The following ZNF536 variants were observed in gnomAD, a reference collection of about 807,000 sequenced individuals.
ZNF536 encodes zinc finger protein 536.
A neutral mutation model predicts 84.5 loss-of-function variants in ZNF536; 13 were observed. That is an observed-to-expected ratio of 0.15 (90% CI 0.10 to 0.24). The LOEUF (loss-of-function observed/expected upper bound fraction) is 0.24. Ranked by LOEUF, ZNF536 falls within the 10% of genes least tolerant of loss-of-function variation. ZNF536 has a pLI of 1.00. For missense variants in ZNF536, 1,536 were observed against 1,747.5 expected, an observed-to-expected ratio of 0.88 and a Z score of 2.16; for synonymous variants, 811 against 742.5, an observed-to-expected ratio of 1.09 and a Z score of -1.50.
chr19:30,689,997 C>T (rs1463218248), intron 1 of ZNF536, among the ~76,000 whole-genome samples: 1 of 152,178 alleles, frequency 6.6e-6, no homozygotes, highest in African/African-American at 2.4e-5. Context: ...CACCCTCTTT[C>T]CCACCACCCT....
intron 1 of ZNF536, among the ~76,000 whole-genome samples, chr19:30,563,592 C>T (rs1032670406): frequency 6.6e-5 from 10 of 152,122 alleles, no homozygotes; most frequent in South Asian, 4.1e-4. Context: ...AGGTAAATGC[C>T]GCTGCAAAGT....
intron 1 of ZNF536, among the ~76,000 whole-genome samples, chr19:30,669,051 C>T (rs118021622): frequency 0.017 from 2,571 of 152,326 alleles, 30 homozygotes; most frequent in Middle Eastern, 0.041. Flanking sequence ...TCATGGTGGC[C>T]CCTGCCCCTG....
rs374541677 is a variant in ZNF536, at chr19:30,667,228, C to T, written c.170-43529C>T. Among the ~76,000 whole-genome samples the T allele has an allele frequency of 9.2e-4, 140 of 152,324 alleles. 4 individuals are homozygous for T. In the South Asian group the frequency reaches 0.025, roughly 27 times the overall value. On this transcript the variant is annotated intron_variant, in intron 1 of 1. Coordinates refer to the ZNF536 transcript ENST00000592773. ...CTGTCTCCATCTGAATTCATTTACACGCCTGAACAGGTGTAATTATCCCCA... is the reference window on the plus strand; with the variant it reads ...CTGTCTCCATCTGAATTCATTTACATGCCTGAACAGGTGTAATTATCCCCA...
chr19:30,377,931 A>T (rs762646884), intron 1 of ZNF536, among the ~76,000 whole-genome samples: 11 of 152,106 alleles, frequency 7.2e-5, no homozygotes, highest in Non-Finnish European at 1.5e-4. Flanking sequence ...AGTTGGGTGG[A>T]TTCTTTGTTG....
At chr19:30,302,902 G>A (rs925548664) in intron 2 of ZNF536, among the ~76,000 whole-genome samples, 1 of 152,118 alleles carries the variant, frequency 6.6e-6, no homozygotes, top group Non-Finnish European at 1.5e-5. Flanking sequence ...ACTGGTGGTG[G>A]CCTTACGTCC....
chr19:30,641,402 T>G (rs748700145), intron 1 of ZNF536, among the ~76,000 whole-genome samples: 6 of 152,248 alleles, frequency 3.9e-5, no homozygotes, highest in Non-Finnish European at 8.8e-5. Context: ...GTAATCTTGC[T>G]GTCATATGAT....
At chr19:30,279,779 A>G (rs2045370904) in intron 1 of ZNF536, among the ~76,000 whole-genome samples, 1 of 152,172 alleles carries the variant, frequency 6.6e-6, no homozygotes, top group East Asian at 1.9e-4. Flanking sequence ...GGGGAGACTT[A>G]GTTGGGCACC....
chr19:30,248,201 C>G (rs1232664583), intron 1 of ZNF536, among the ~76,000 whole-genome samples: 1 of 149,754 alleles, frequency 6.7e-6, no homozygotes, highest in African/African-American at 2.5e-5. Context: ...CTTTTTCTTT[C>G]TTTCTTTCTT....
upstream of ZNF536, among the ~76,000 whole-genome samples, chr19:30,226,509 G>A (rs1341559167): frequency 6.6e-6 from 1 of 151,968 alleles, no homozygotes; most frequent in Non-Finnish European, 1.5e-5. The surrounding 1 kb of genome is among the most constrained non-coding windows in gnomAD (Gnocchi z 4.6). Flanking sequence ...CTGTGCCCCG[G>A]GAGCCTGGCC....
intron 1 of ZNF536, among the ~76,000 whole-genome samples, chr19:30,383,715 CTTTCTTTCTT>C (rs2049137938): frequency 2.5e-5 from 1 of 40,374 alleles, no homozygotes; most frequent in Non-Finnish European, 5.5e-5. Context: ...TTCTTTCTTT[CTTTCTTTCTT>C]TCTTTCTTTC....
intron 2 of ZNF536, among the ~76,000 whole-genome samples, chr19:30,474,029 G>T (rs1407567279): frequency 1.3e-5 from 2 of 152,244 alleles, no homozygotes; most frequent in African/African-American, 4.8e-5. Flanking sequence ...GCTGCTCAGT[G>T]AATATTTGTT....
chr19:30,703,125 T>C (rs563067682), intron 1 of ZNF536, among the ~76,000 whole-genome samples: 2 of 151,154 alleles, frequency 1.3e-5, no homozygotes, highest in Non-Finnish European at 3.0e-5. Context: ...TTTGCAGGAG[T>C]TGGATGAAGT....
chr19:30,369,617 A>G (rs1332118930), upstream of ZNF536, among the ~76,000 whole-genome samples: 1 of 152,242 alleles, frequency 6.6e-6, no homozygotes, highest in Non-Finnish European at 1.5e-5. Flanking sequence ...CACAAATTGC[A>G]AAGGGATGAA....
At chr19:30,262,071 A>G (rs975782893) in intron 1 of ZNF536, among the ~76,000 whole-genome samples, 4 of 152,222 alleles carry the variant, frequency 2.6e-5, no homozygotes, top group Admixed American at 2.6e-4. Flanking sequence ...TGAGAAATCT[A>G]GTTCACCGCT....
intron 4 of ZNF536, chr19:30,556,252 T>G (rs1268898821): frequency 6.6e-6 from 1 of 152,250 alleles, no homozygotes; most frequent in Non-Finnish European, 1.5e-5. Context: ...GGCAGAACCT[T>G]GTGAGTTAAT....
intron 1 of ZNF536, among the ~76,000 whole-genome samples, chr19:30,604,013 C>A (rs1327469815): frequency 6.6e-6 from 1 of 152,152 alleles, no homozygotes; most frequent in Non-Finnish European, 1.5e-5. Context: ...TCGCTTGAAC[C>A]TGGGAGGCCG....
At chr19:30,491,137 C>T (rs566328211) in intron 2 of ZNF536, among the ~76,000 whole-genome samples, 44 of 152,206 alleles carry the variant, frequency 2.9e-4, no homozygotes, top group African/African-American at 8.9e-4. Flanking sequence ...TGAAAACAAA[C>T]GGCAAGTCCT....
chr19:30,369,501 A>T (rs968986695), upstream of ZNF536, among the ~76,000 whole-genome samples: 2 of 152,100 alleles, frequency 1.3e-5, no homozygotes, highest in African/African-American at 4.8e-5. Context: ...CCCGTCTGCG[A>T]TTGTGCAGTC....
chr19:30,372,834 C>CG (rs1555733956), intron 1 of ZNF536, among the ~76,000 whole-genome samples: 4 of 150,782 alleles, frequency 2.7e-5, no homozygotes, highest in Non-Finnish European at 5.9e-5. Context: ...CACCCGCCCC[C>CG]CCCATCTAAT....
Sources: gnomAD v4.1 joint callset for allele counts (sites outside exome capture counted in the v4.1 genomes callset) on GRCh38, gnomAD v4.1.1 for gene constraint, Gnocchi (gnomAD v3.1) non-coding constraint, MANE v1.5 for transcripts, NCBI Gene and HGNC (gene_info 2026-07-23, HGNC 2026-07-21) for gene names.